The following DENND4C variants were observed in gnomAD, a reference collection of about 807,000 sequenced individuals.
DENND4C encodes DENN domain containing 4C.
In DENND4C, 108 loss-of-function variants were observed where a neutral mutation model predicts 203.0. That is an observed-to-expected ratio of 0.53 (90% CI 0.46 to 0.62). The LOEUF (loss-of-function observed/expected upper bound fraction) is 0.62, where lower values mean the gene tolerates loss of function less well. Among genes scored for constraint, DENND4C ranks in the 20% least tolerant of loss-of-function variants. The pLI, the probability that DENND4C is intolerant of heterozygous loss-of-function variation, is 0.00. For missense variants in DENND4C, 2,481 were observed against 2,301.2 expected (o/e 1.08, Z -1.60); for synonymous variants, 871 against 792.4 (o/e 1.10, Z -1.67).
intron 1 of DENND4C, among the ~76,000 whole-genome samples, chr9:19,231,090 G>A (rs1434474894): frequency 1.3e-5 from 2 of 152,218 alleles, no homozygotes; most frequent in Non-Finnish European, 2.9e-5. Context: ...CCCCTGAAGA[G>A]CCTCCCCGCG....
chr9:19,251,618 A>C (rs1038528171), intron 1 of DENND4C, among the ~76,000 whole-genome samples: 1 of 152,210 alleles, frequency 6.6e-6, no homozygotes, highest in African/African-American at 2.4e-5. Flanking sequence ...TGTAAAAGTG[A>C]ATGCTTTTAA....
intron 13 of DENND4C, among the ~76,000 whole-genome samples, chr9:19,324,953 A>C (rs1843483997): frequency 6.6e-6 from 1 of 152,108 alleles, no homozygotes; most frequent in South Asian, 2.1e-4. Context: ...CCTGGGCTCA[A>C]GTGATCCTCC....
At chr9:19,271,320 G>A (rs373523362) in intron 1 of DENND4C, among the ~76,000 whole-genome samples, 140 of 151,018 alleles carry the variant, frequency 9.3e-4, no homozygotes, top group African/African-American at 3.0e-3. Context: ...ATGCCTCAGC[G>A]TCCCGAGTAG....
chr9:19,295,060 A>T (rs1837148244), intron 5 of DENND4C, among the ~76,000 whole-genome samples: 1 of 152,136 alleles, frequency 6.6e-6, no homozygotes, highest in South Asian at 2.1e-4. Context: ...AATGTTATAT[A>T]TATTTCACCC....
rs1829250584 is a variant in DENND4C, at chr9:19,373,935, A to G, written c.*1762A>G. The stretch of plus-strand genomic sequence containing the variant: ...AGTGTGAATTTATTGTGAAAATGCT[A>G]AATGAAACAATTTGTCAGAAATTAT... On this transcript the variant is annotated 3_prime_UTR_variant, in exon 33 of 33. Transcript: ENST00000434457. Among the ~76,000 whole-genome samples, 1 of 152,200 alleles carries G rather than the reference A, an allele frequency of 6.6e-6. No homozygotes were observed. Among genetic ancestry groups the G allele is most frequent in the African/African-American group, 2.4e-5 (1 of 41,446 alleles).
intron 17 of DENND4C, 152 bp from the exon 18 acceptor site, chr9:19,334,825 T>C: frequency 1.4e-6 from 1 of 722,604 alleles, no homozygotes; most frequent in Non-Finnish European, 2.1e-6. Flanking sequence ...CCAGCCTGAA[T>C]AGGTCTTAAA....
In DENND4C at chr9:19,269,726, C is replaced by T. The variant is rs1001319221; in HGVS notation, c.-17-6432C>T. Among the ~76,000 whole-genome samples, 21 of 152,302 alleles carry T rather than the reference C, an allele frequency of 1.4e-4. 2 individuals are homozygous for T. Among genetic ancestry groups the T allele is most frequent in the Admixed American group, 4.6e-4 (7 of 15,286 alleles). On this transcript the variant is annotated intron_variant, in intron 1 of 32. Transcript: ENST00000434457. Reference sequence around the variant, plus strand: ...GACTTTGTCTGTCTGAAAGGTCACACATGTCTGTCATTCCAGGATTGGTCA... The same window carrying T: ...GACTTTGTCTGTCTGAAAGGTCACATATGTCTGTCATTCCAGGATTGGTCA...
chr9:19,307,845 C>T (rs1033898873), intron 10 of DENND4C, among the ~76,000 whole-genome samples: 1 of 151,734 alleles, frequency 6.6e-6, no homozygotes, highest in African/African-American at 2.4e-5. Flanking sequence ...ATATTTTGCT[C>T]CTTTCTCCCA....
intron 23 of DENND4C, among the ~76,000 whole-genome samples, chr9:19,349,407 T>G (rs1823601595): frequency 6.6e-6 from 1 of 152,108 alleles, no homozygotes; most frequent in Non-Finnish European, 1.5e-5. Context: ...CTTTCTCCCT[T>G]GCCTCCCCAA....
At chr9:19,325,763 A>C (rs563877063) in intron 13 of DENND4C, among the ~76,000 whole-genome samples, 176 bp from the exon 14 acceptor site, 3 of 152,198 alleles carry the variant, frequency 2.0e-5, no homozygotes, top group Non-Finnish European at 4.4e-5. Context: ...AGCCACAAGT[A>C]AAAAATTATG....
chr9:19,238,761 C>T (rs1267326312), intron 1 of DENND4C, among the ~76,000 whole-genome samples: 1 of 146,388 alleles, frequency 6.8e-6, no homozygotes, highest in Non-Finnish European at 1.5e-5. Flanking sequence ...TCAAGTGATT[C>T]TCCTGCCTCA....
intron 1 of DENND4C, among the ~76,000 whole-genome samples, chr9:19,251,636 C>T (rs898619460): frequency 6.6e-6 from 1 of 152,188 alleles, no homozygotes; most frequent in Non-Finnish European, 1.5e-5. Flanking sequence ...TAAGAGCACC[C>T]AAGTCACTTC....
rs763981262 is a variant in DENND4C at position 19,316,756 on chromosome 9, A to G, written c.1724A>G (p.Lys575Arg). The change falls in exon 12 of 33, where the codon AAA becomes AGA. Residue 575 changes from lysine (K) to arginine (R), a missense_variant. By Grantham distance (26) the Lys-to-Arg change is conservative (BLOSUM62 2). Around this residue, in one of 3 missense-constraint regions of DENND4C, gnomAD observed 2,289 missense variants for 2,113.3 expected, o/e 1.08. Transcript: ENST00000434457. ...AFLRFMASIL[K>R]GYRTYLRPIT... Reference sequence around the variant, plus strand: ...TTGCGCTTTATGGCGTCTATTTTAAAAGGATATAGAACATATCTCAGACCA... The same window carrying G: ...TTGCGCTTTATGGCGTCTATTTTAAGAGGATATAGAACATATCTCAGACCA... The G allele has an allele frequency of 6.2e-7, 1 of 1,614,124 alleles. No homozygotes were observed. The highest frequency in any genetic ancestry group is 8.5e-7 in the Non-Finnish European group (1 of 1,180,004).
At chr9:19,304,655 G>A (rs1053592597) in intron 9 of DENND4C, among the ~76,000 whole-genome samples, 20 of 151,076 alleles carry the variant, frequency 1.3e-4, no homozygotes, top group African/African-American at 4.9e-4. Flanking sequence ...TCCTGCCTCA[G>A]CCTCCCGAGT....
chr9:19,267,802 G>C (rs184506870), intron 1 of DENND4C, among the ~76,000 whole-genome samples: 2 of 152,198 alleles, frequency 1.3e-5, no homozygotes, highest in African/African-American at 4.8e-5. Context: ...GCCTCCTAAA[G>C]TGCTGAGATT....
chr9:19,290,066 A>T (rs1835975507), intron 4 of DENND4C, among the ~76,000 whole-genome samples: 1 of 152,208 alleles, frequency 6.6e-6, no homozygotes, highest in African/African-American at 2.4e-5. Context: ...GAAGTTTTTC[A>T]CTTAGAGATG....
At chr9:19,264,387 A>G (rs1157946740) in intron 1 of DENND4C, among the ~76,000 whole-genome samples, 1 of 151,578 alleles carries the variant, frequency 6.6e-6, no homozygotes, top group Non-Finnish European at 1.5e-5. Flanking sequence ...GCTCACTACA[A>G]CCTCCACCTC....
At chr9:19,254,569 T>G (rs1288146241) in intron 1 of DENND4C, among the ~76,000 whole-genome samples, 1 of 152,164 alleles carries the variant, frequency 6.6e-6, no homozygotes, top group Non-Finnish European at 1.5e-5. Flanking sequence ...ACAAGGGTGG[T>G]TGCTAGTGCC....
intron 28 of DENND4C, 113 bp from the exon 29 acceptor site, chr9:19,360,131 G>A (rs1221488133): frequency 5.5e-6 from 6 of 1,084,292 alleles, no homozygotes; most frequent in South Asian, 4.4e-5. Context: ...TGTAGCAATG[G>A]TCCTAAAATA....
Sources: allele counts gnomAD v4.1 joint callset (sites outside exome capture counted in the v4.1 genomes callset), GRCh38; gene constraint gnomAD v4.1.1; regional missense constraint gnomAD v4.1.1; transcripts MANE v1.5; gene names NCBI Gene and HGNC (gene_info 2026-07-23, HGNC 2026-07-21).